Variants in PREX2 observed in about 807,000 individuals in gnomAD.
The protein encoded by PREX2 is phosphatidylinositol 3,4,5-trisphosphate-dependent Rac exchanger 2 protein.
PREX2 carries 107 observed loss-of-function variants against 203.2 expected under a neutral mutation model. That is an observed-to-expected ratio of 0.53 (90% confidence interval 0.45 to 0.62). PREX2 has a LOEUF of 0.62. Among genes scored for constraint, PREX2 ranks in the 20% least tolerant of loss-of-function variants. PREX2 has a pLI of 0.00. For missense variants in PREX2, 1,777 were observed against 1,955.9 expected, an observed-to-expected ratio of 0.91 and a Z score of 1.72; for synonymous variants, 672 against 663.6, an observed-to-expected ratio of 1.01 and a Z score of -0.19.
intron 25 of PREX2, among the ~76,000 whole-genome samples, chr8:68,113,648 A>AT (rs565539728): frequency 6.6e-6 from 1 of 152,200 alleles, no homozygotes; most frequent in South Asian, 2.1e-4. Context: ...ATGTCAAAAT[A>AT]TTGTTCAAAT....
At chr8:68,130,270 A>G (rs1810980478) in intron 31 of PREX2, among the ~76,000 whole-genome samples, 1 of 144,744 alleles carries the variant, frequency 6.9e-6, no homozygotes, top group African/African-American at 2.6e-5. Flanking sequence ...AGCCTGGGTG[A>G]CAGAGCAAGA....
chr8:68,102,815 T>G (rs370075927), intron 23 of PREX2: 17 of 518,460 alleles, frequency 3.3e-5, no homozygotes, highest in Non-Finnish European at 6.2e-5. Flanking sequence ...TGGCTGGTTG[T>G]ACAGGCCACA....
At chr8:68,133,079 A>G (rs1001705986) in intron 31 of PREX2, among the ~76,000 whole-genome samples, 2 of 152,220 alleles carry the variant, frequency 1.3e-5, no homozygotes, top group African/African-American at 4.8e-5. Context: ...GGAAGGCCTC[A>G]GAAAACTTAG....
Position 68,158,073 on chromosome 8 carries a change from G to GTA in PREX2, c.4346+647_4346+648dup, listed in dbSNP as rs1156704857. 1.1e-3 allele frequency among the ~76,000 whole-genome samples: 143 copies of GTA among 133,666 alleles called. 1 individual carries two copies. Among genetic ancestry groups the GTA allele is most frequent in the African/African-American group, 3.7e-3 (131 of 35,858 alleles). The allele number at this position is 133,666 out of a possible 152,430, so 87.7% of individuals were successfully genotyped here. A position where few individuals can be genotyped will look rare whatever the true frequency, so the allele number is the denominator to read the frequency against. ...TGTATGTGTGTGTGAATATATATAT[G>GTA]TATATATATATTCACATATATATGT... On this transcript the variant is annotated intron_variant, in intron 35 of 39. Coordinates refer to ENST00000288368, the MANE Select transcript of PREX2 (RefSeq NM_024870.4).
At chr8:68,020,613 A>C (rs1180131435) in intron 3 of PREX2, among the ~76,000 whole-genome samples, 1 of 152,202 alleles carries the variant, frequency 6.6e-6, no homozygotes, top group East Asian at 1.9e-4. Context: ...TCAAAAAATA[A>C]TTATATTAAA....
At chr8:68,191,431 G>T (rs1384624677) in intron 35 of PREX2, among the ~76,000 whole-genome samples, 1 of 151,988 alleles carries the variant, frequency 6.6e-6, no homozygotes, top group Non-Finnish European at 1.5e-5. Flanking sequence ...TTTAATCTTG[G>T]CAGTCTTATG....
At chr8:68,074,125 C>A (rs1341166637) in intron 14 of PREX2, among the ~76,000 whole-genome samples, 5 of 151,994 alleles carry the variant, frequency 3.3e-5, no homozygotes, top group Admixed American at 2.6e-4. Flanking sequence ...CACCGCTACA[C>A]CTGGCTAATT....
chr8:68,134,229 A>G lies in PREX2; in HGVS notation c.3937A>G (p.Asn1313Asp). The G allele has an allele frequency of 6.2e-7, 1 of 1,614,110 alleles. No individual in the cohort carries two copies. Among genetic ancestry groups the G allele is most frequent in the Non-Finnish European group, 8.5e-7 (1 of 1,179,998 alleles). Residue 1313 changes from asparagine to aspartate, a missense_variant, in exon 32 of 40, where the codon AAT (asparagine) becomes GAT (aspartate). Transcript: ENST00000288368. The stretch of plus-strand genomic sequence containing the variant: ...CAGGAGGTGGCTGGACCAGATAGCG[A>G]ATGCAGGTGTTCTTTTTCACTTTCA... ...ASRRWLDQIA[N>D]AGVLFHFQSL...
intron 1 of PREX2, among the ~76,000 whole-genome samples, chr8:68,005,854 G>A (rs978393687): frequency 6.8e-5 from 10 of 147,626 alleles, no homozygotes; most frequent in African/African-American, 2.0e-4. Flanking sequence ...TTCACCTAGC[G>A]CTGAGAACAG....
chr8:68,110,628 A>G (rs1300727376), intron 25 of PREX2, among the ~76,000 whole-genome samples: 4 of 152,182 alleles, frequency 2.6e-5, no homozygotes, highest in African/African-American at 9.6e-5. Context: ...CACACCTATC[A>G]TCCTGTACTT....
intron 11 of PREX2, among the ~76,000 whole-genome samples, chr8:68,067,207 T>C (rs901410402): frequency 2.6e-5 from 4 of 152,108 alleles, no homozygotes; most frequent in African/African-American, 9.7e-5. Context: ...ATTGTGGGTC[T>C]TTTGTGCTTC....
In PREX2 at chr8:68,097,055, G is replaced by A; in HGVS notation, c.2407G>A (p.Gly803Arg). The A allele has an allele frequency of 6.2e-7, 1 of 1,613,828 alleles. No individual in the cohort carries two copies. The highest frequency in any genetic ancestry group is 1.1e-5 in the South Asian group (1 of 91,056). ...DKFNTMAIID[G>R]KKEHVSLTVD... ...ATTCAACACTATGGCCATCATTGAT[G>A]GGAAGAAGGAGCATGTGAGTCTGAC... Residue 803 changes from glycine (G) to arginine (R), a missense_variant, in exon 22 of 40, where the codon GGG becomes AGG. Coordinates refer to ENST00000288368, the MANE Select transcript of PREX2 (RefSeq NM_024870.4).
Position 68,097,050 on chromosome 8 carries a change from T to C in PREX2, c.2402T>C (p.Ile801Thr). 3 of 1,613,810 alleles carry C rather than the reference T, an allele frequency of 1.9e-6. No homozygotes were observed. The highest frequency in any genetic ancestry group is 2.5e-6 in the Non-Finnish European group (3 of 1,179,804). ...GACAAATTCAACACTATGGCCATCATTGATGGGAAGAAGGAGCATGTGAGT... is the reference window on the plus strand; with the variant it reads ...GACAAATTCAACACTATGGCCATCACTGATGGGAAGAAGGAGCATGTGAGT... ...VIDKFNTMAIIDGKKEHVSLT... is the reference protein window; with the variant it reads ...VIDKFNTMAITDGKKEHVSLT... Residue 801 changes from isoleucine (I) to threonine (T), a missense_variant, in exon 22 of 40, where the codon ATT becomes ACT. Physicochemically the swap from Ile to Thr is moderately conservative, Grantham distance 89 (BLOSUM62 -1). Coordinates refer to ENST00000288368, the MANE Select transcript of PREX2 (RefSeq NM_024870.4).
rs551673892 is a variant in PREX2, at chr8:68,055,473, C to T, written c.1094-357C>T. On this transcript the variant is annotated intron_variant, in intron 9 of 39. Coordinates refer to ENST00000288368, the MANE Select transcript of PREX2 (RefSeq NM_024870.4). The stretch of plus-strand genomic sequence containing the variant: ...TTATATTGCATTATTTTTTTTCTAC[C>T]AGAACTGTCTCTAGGGCTACTCTGT... 1.4e-4 allele frequency among the ~76,000 whole-genome samples: 22 copies of T among 152,014 alleles called. 1 individual carries two copies. In the South Asian group the frequency reaches 3.9e-3, roughly 27 times the overall value.
chr8:68,026,349 A>T (rs1022445949), intron 4 of PREX2, among the ~76,000 whole-genome samples: 5 of 152,102 alleles, frequency 3.3e-5, no homozygotes, highest in Non-Finnish European at 7.4e-5. Context: ...ACAGTATTTT[A>T]AAAATTGTAG....
intron 33 of PREX2, among the ~76,000 whole-genome samples, chr8:68,144,104 G>C (rs1369866466): frequency 6.6e-6 from 1 of 152,104 alleles, no homozygotes; most frequent in African/African-American, 2.4e-5. Context: ...TTTATAGTAA[G>C]TCTTAAATTA....
intron 39 of PREX2, among the ~76,000 whole-genome samples, chr8:68,226,036 T>G (rs543220015): frequency 6.6e-6 from 1 of 152,168 alleles, no homozygotes; most frequent in Admixed American, 6.5e-5. Flanking sequence ...ATTTGCTTTT[T>G]TTTTCTTTAT....
chr8:68,152,289 G>GAAAAAAA (rs573525316), intron 34 of PREX2, among the ~76,000 whole-genome samples: 858 of 72,690 alleles, frequency 0.012, 71 homozygotes, highest in Admixed American at 0.037. Flanking sequence ...CCCTCTCAGA[G>GAAAAAAA]AAAAAAAAAA....
rs913192803 is a variant in PREX2, at chr8:68,233,202, C to A, written c.*1824C>A. 1.3e-5 allele frequency: 2 copies of A among 152,102 alleles called. No homozygotes were observed. The highest frequency in any genetic ancestry group is 6.5e-5 in the Admixed American group (1 of 15,276). The allele number at this position is 152,102 out of a possible 1,614,324, so 9.4% of individuals were successfully genotyped here. A position where few individuals can be genotyped will look rare whatever the true frequency, so the allele number is the denominator to read the frequency against. ...ATAAAGATATCTTTACAAAAATAAC[C>A]TTCAAGGATTTAACATTTGTAGGAC... On this transcript the variant is annotated 3_prime_UTR_variant, in exon 40 of 40. Coordinates refer to ENST00000288368, the MANE Select transcript of PREX2 (RefSeq NM_024870.4).
Sources: allele counts gnomAD v4.1 joint callset (sites outside exome capture counted in the v4.1 genomes callset), GRCh38; gene constraint gnomAD v4.1.1; transcripts MANE v1.5; gene names NCBI Gene and HGNC (gene_info 2026-07-23, HGNC 2026-07-21).